PATZ1: variants seen among roughly 807,000 people sequenced by gnomAD.
PATZ1 encodes the protein POZ-, AT hook-, and zinc finger-containing protein 1.
PATZ1 carries 9 observed loss-of-function variants against 46.2 expected under a neutral mutation model. That is an observed-to-expected ratio of 0.19 (90% CI 0.12 to 0.34). The LOEUF is 0.34. Ranked by LOEUF, PATZ1 falls within the 10% of genes least tolerant of loss-of-function variation. The pLI, the probability that PATZ1 is intolerant of heterozygous loss-of-function variation, is 1.00. For synonymous variants in PATZ1, 426 were observed against 378.6 expected, an observed-to-expected ratio of 1.13 and a Z score of -1.45; for missense variants, 632 against 923.0, an observed-to-expected ratio of 0.68 and a Z score of 4.08.
chr22:31,345,429 C>A lies in PATZ1; in HGVS notation c.174G>T (p.Val58=). ...CAAAGTACTCGCTGCAGGCGGCCAG[C>A]ACGGCGCGGTGCGCTGGGAAGCTCT... ...GDESFPAHRA[V]LAACSEYFES... Residue 58 remains valine (V), a synonymous_variant, in exon 1 of 5, where the codon GTG becomes GTT. Transcript: ENST00000266269. The surrounding 1 kb of genome is among the most constrained non-coding windows in gnomAD (Gnocchi z 7.4). The A allele has an allele frequency of 6.2e-7, 1 of 1,612,498 alleles. No homozygotes were observed. The highest frequency in any genetic ancestry group is 8.5e-7 in the Non-Finnish European group (1 of 1,179,606).
rs1032052739 is a variant in PATZ1, at chr22:31,327,614, T to C, written c.1646-305A>G. On this transcript the variant is annotated intron_variant, in intron 4 of 4. Coordinates refer to ENST00000266269, the MANE Select transcript of PATZ1 (RefSeq NM_014323.3). The surrounding 1 kb of genome is among the most constrained non-coding windows in gnomAD (Gnocchi z 4.2). ...AGGGATACAGAGAGGGCAACTCTGC[T>C]ACAGCTGCCCAGAACAACTCAAAGA... Among the ~76,000 whole-genome samples, 2 of 152,180 alleles carry C rather than the reference T, an allele frequency of 1.3e-5. No homozygotes were observed. The highest frequency in any genetic ancestry group is 2.9e-5 in the Non-Finnish European group (2 of 68,024).
Position 31,341,271 on chromosome 22 carries a change from C to T in PATZ1, c.1335+1626G>A, listed in dbSNP as rs1272359073. 24 of 1,426,640 alleles carry T rather than the reference C, an allele frequency of 1.7e-5. No individual in the cohort carries two copies. The East Asian group carries it at 5.3e-4, about 32-fold the overall frequency. 88.4% of individuals were successfully genotyped at this position (1,426,640 alleles called of 1,614,324 possible). On this transcript the variant is annotated intron_variant, in intron 2 of 4. Coordinates refer to ENST00000266269, the MANE Select transcript of PATZ1 (RefSeq NM_014323.3). ...TTTGGGGGCTCTGACATGGGAAAGA[C>T]TCCGAGTCACCCAGGGAGGAGCTGG...
At position 31,345,570 on chromosome 22, in the gene PATZ1, C is replaced by T. The variant is rs200432247; in HGVS notation, c.33G>A (p.Pro11=). 20 of 1,597,602 alleles carry T rather than the reference C, an allele frequency of 1.3e-5. No homozygotes were observed. The Admixed American group carries it at 1.7e-4, about 13-fold the overall frequency. ...TCACCTGGTATGTGTAGCAGCCAGA[C>T]GGGCCGCACGAAGCGTCGTTCACCC... MERVNDASCG[P]SGCYTYQVSR... is the part of the protein sequence containing the mutation. Residue 11 remains proline (P), a synonymous_variant, in exon 1 of 5, where the codon CCG becomes CCA. Transcript: ENST00000266269. The surrounding 1 kb of genome is among the most constrained non-coding windows in gnomAD (Gnocchi z 7.4).
chr22:31,342,193 T>TGTAC (rs1340432931), intron 2 of PATZ1, among the ~76,000 whole-genome samples: 1 of 152,056 alleles, frequency 6.6e-6, no homozygotes, highest in Admixed American at 6.5e-5. Context: ...CTCAATCTTT[T>TGTAC]GGGTACCAGC....
chr22:31,342,428 G>A (rs2049594012), intron 2 of PATZ1, among the ~76,000 whole-genome samples: 1 of 152,088 alleles, frequency 6.6e-6, no homozygotes, highest in Non-Finnish European at 1.5e-5. Context: ...GCCCTAAGCT[G>A]AGGGGACCCA....
rs1399781565 is a variant in PATZ1 at position 31,335,679 on chromosome 22, G to T, written c.1507+13C>A. On this transcript the variant is annotated intron_variant, in intron 3 of 4. Coordinates refer to ENST00000266269, the MANE Select transcript of PATZ1 (RefSeq NM_014323.3). Reference sequence around the variant, plus strand: ...CCCATCCTCTGGAAGTGAGGAAACAGTGGGCAGATTACCTCGGTTACAGAT... The same window carrying T: ...CCCATCCTCTGGAAGTGAGGAAACATTGGGCAGATTACCTCGGTTACAGAT... The T allele has an allele frequency of 1.9e-6, 3 of 1,611,902 alleles. No individual in the cohort carries two copies. The East Asian group carries it at 6.7e-5, about 36-fold the overall frequency.
intron 2 of PATZ1, among the ~76,000 whole-genome samples, chr22:31,336,340 C>G (rs2049508788): frequency 6.6e-6 from 1 of 152,052 alleles, no homozygotes; most frequent in African/African-American, 2.4e-5. Flanking sequence ...TCATTTTATT[C>G]AAAAGTGACA....
chr22:31,344,446 G>C lies in PATZ1; in HGVS notation c.1157C>G (p.Pro386Arg). 6.2e-7 allele frequency: 1 copy of C among 1,614,210 alleles called. No homozygotes were observed. Among genetic ancestry groups the C allele is most frequent in the Non-Finnish European group, 8.5e-7 (1 of 1,180,034 alleles). Reference protein sequence around the residue: ...SHSGEKPYSCPVCGLRFKRKD... With the variant: ...SHSGEKPYSCRVCGLRFKRKD... ...TCTCTTGAACCGCAACCCACACACA[G>C]GGCAGGAGTAGGGCTTCTCCCCAGA... is the stretch of plus-strand genomic sequence containing the variant. Residue 386 changes from proline (P) to arginine (R), a missense_variant, in exon 1 of 5, where the codon CCT (proline) becomes CGT (arginine). Pro to Arg is a moderately radical substitution (Grantham distance 103, BLOSUM62 -2). Coordinates refer to ENST00000266269, the MANE Select transcript of PATZ1 (RefSeq NM_014323.3).
At chr22:31,336,333 T>C (rs926092102) in intron 2 of PATZ1, among the ~76,000 whole-genome samples, 6 of 152,234 alleles carry the variant, frequency 3.9e-5, no homozygotes, top group Non-Finnish European at 8.8e-5. Context: ...TATTTGTTCA[T>C]TTTATTCAAA....
In PATZ1 at chr22:31,345,509, G is replaced by C. The variant is rs1220907735; in HGVS notation, c.94C>G (p.Gln32Glu). The change falls in exon 1 of 5, where the codon CAG (glutamine) becomes GAG (glutamate). Residue 32 changes from glutamine (Q) to glutamate (E), a missense_variant. By Grantham distance (29) the Gln-to-Glu change is conservative (BLOSUM62 2). Around this residue, in one of 7 missense-constraint regions of PATZ1, gnomAD observed 19 missense variants for 71.4 expected, o/e 0.27. Transcript: ENST00000266269. The surrounding 1 kb of genome is among the most constrained non-coding windows in gnomAD (Gnocchi z 7.4). ...AAGCGCCCGCCGTTTTTGCGCTGCT[G>C]GTTCAGGTTGTGCAGCATCTCCGTG... is the stretch of plus-strand genomic sequence containing the variant. ...HSTEMLHNLN[Q>E]QRKNGGRFCD... The C allele has an allele frequency of 6.2e-7, 1 of 1,613,248 alleles. No homozygotes were observed. Among genetic ancestry groups the C allele is most frequent in the East Asian group, 2.2e-5 (1 of 44,876 alleles).
At position 31,345,380 on chromosome 22, in the gene PATZ1, C is replaced by A; in HGVS notation, c.223G>T (p.Gly75Cys). The change falls in exon 1 of 5, where the codon GGC (glycine) becomes TGC (cysteine). Residue 75 changes from glycine (G) to cysteine (C), a missense_variant. By Grantham distance (159) the Gly-to-Cys change is radical. Coordinates refer to ENST00000266269, the MANE Select transcript of PATZ1 (RefSeq NM_014323.3). The surrounding 1 kb of genome is among the most constrained non-coding windows in gnomAD (Gnocchi z 7.4). ...CCCCCGTCCGCAGCTCCGCCGTCGC[C>A]CAACTGGGCGCTGAACACCGACTCA... is the stretch of plus-strand genomic sequence containing the variant. ...YFESVFSAQL[G>C]DGGAADGGPA... 1 of 1,607,552 alleles carries A rather than the reference C, an allele frequency of 6.2e-7. No homozygotes were observed.
intron 3 of PATZ1, among the ~76,000 whole-genome samples, chr22:31,332,729 C>T (rs1448234799): frequency 6.6e-6 from 1 of 152,242 alleles, no homozygotes; most frequent in Non-Finnish European, 1.5e-5. Context: ...TCCCTGCATC[C>T]ATCCACTTGT....
At position 31,346,005 on chromosome 22, in the gene PATZ1, G is replaced by A. The variant is rs904231292; in HGVS notation, c.-403C>T. The A allele has an allele frequency of 5.2e-6, 1 of 192,576 alleles. No individual in the cohort carries two copies. Among genetic ancestry groups the A allele is most frequent in the Non-Finnish European group, 1.1e-5 (1 of 92,882 alleles). 11.9% of individuals were successfully genotyped at this position (192,576 alleles called of 1,614,324 possible). ...GAAGGGCACGCGCACGCGGGGAGGA[G>A]AAGGAGGGGTCCGCCGCGCAGGCGC... is the stretch of plus-strand genomic sequence containing the variant. On this transcript the variant is annotated 5_prime_UTR_variant, in exon 1 of 5. Coordinates refer to ENST00000266269, the MANE Select transcript of PATZ1 (RefSeq NM_014323.3).
chr22:31,335,614 G>A, intron 3 of PATZ1, 78 bp downstream of exon 3: 1 of 1,379,148 alleles, frequency 7.3e-7, no homozygotes, highest in Non-Finnish European at 1.0e-6. Context: ...TCTGAGGCAG[G>A]GTGATTGAGA....
Position 31,344,905 on chromosome 22 carries a change from T to C in PATZ1, c.698A>G (p.Asp233Gly), listed in dbSNP as rs2049631030. 3 of 1,613,224 alleles carry C rather than the reference T, an allele frequency of 1.9e-6. No individual in the cohort carries two copies. The African/African-American group carries it at 4.0e-5, about 22-fold the overall frequency. The part of the protein sequence containing the change: ...QASLPVLPGV[D>G]RLPMVAGPLS... ...GGGTCCAGCCACCATGGGCAAGCGG[T>C]CCACCCCAGGTAACACAGGCAAAGA... Residue 233 changes from aspartate (D) to glycine (G), a missense_variant, in exon 1 of 5, where the codon GAC becomes GGC. Around this residue, in one of 7 missense-constraint regions of PATZ1, gnomAD observed 279 missense variants for 284.3 expected, o/e 0.98. Coordinates refer to ENST00000266269, the MANE Select transcript of PATZ1 (RefSeq NM_014323.3).
At position 31,345,792 on chromosome 22, in the gene PATZ1, T is replaced by G; in HGVS notation, c.-190A>C. On this transcript the variant is annotated 5_prime_UTR_variant, in exon 1 of 5. Transcript: ENST00000266269. The surrounding 1 kb of genome is among the most constrained non-coding windows in gnomAD (Gnocchi z 7.4). The stretch of plus-strand genomic sequence containing the variant: ...GGATCAGACTGTCTAGACTGCGGGG[T>G]GCACCACCCCCCACATAGCCAACCC... The G allele has an allele frequency of 1.9e-6, 1 of 536,698 alleles. No individual in the cohort carries two copies. Among genetic ancestry groups the G allele is most frequent in the Non-Finnish European group, 3.2e-6 (1 of 317,456 alleles). 33.2% of individuals were successfully genotyped at this position (536,698 alleles called of 1,614,324 possible).
chr22:31,342,144 G>A (rs1185066484), intron 2 of PATZ1, among the ~76,000 whole-genome samples: 3 of 152,072 alleles, frequency 2.0e-5, no homozygotes, highest in South Asian at 2.1e-4. Flanking sequence ...AGGTGTGTTC[G>A]CTATCCACAC....
chr22:31,332,104 T>C (rs1462629741), intron 3 of PATZ1, among the ~76,000 whole-genome samples: 1 of 152,144 alleles, frequency 6.6e-6, no homozygotes, highest in Non-Finnish European at 1.5e-5. Flanking sequence ...ACAGCGAAAC[T>C]GTCTTGCTGA....
In PATZ1 at chr22:31,326,849, C is replaced by G; in HGVS notation, c.*42G>C. 6.5e-7 allele frequency: 1 copy of G among 1,530,690 alleles called. No homozygotes were observed. The highest frequency in any genetic ancestry group is 8.9e-7 in the Non-Finnish European group (1 of 1,127,566). The allele number at this position is 1,530,690 out of a possible 1,614,324, so 94.8% of individuals were successfully genotyped here. A position where few individuals can be genotyped will look rare whatever the true frequency, so the allele number is the denominator to read the frequency against. On this transcript the variant is annotated 3_prime_UTR_variant, in exon 5 of 5. Coordinates refer to ENST00000266269, the MANE Select transcript of PATZ1 (RefSeq NM_014323.3). Reference sequence around the variant, plus strand: ...CCTCCGCATTCACAGCATTTCCCAGCAGTCCCCAGATGGTTGTTTCCGTGG... The same window carrying G: ...CCTCCGCATTCACAGCATTTCCCAGGAGTCCCCAGATGGTTGTTTCCGTGG...
Sources: gnomAD v4.1 joint callset for allele counts (sites outside exome capture counted in the v4.1 genomes callset) on GRCh38, gnomAD v4.1.1 for gene constraint, gnomAD v4.1.1 regional missense constraint, Gnocchi (gnomAD v3.1) non-coding constraint, MANE v1.5 for transcripts, NCBI Gene and HGNC (gene_info 2026-07-23, HGNC 2026-07-21) for gene names.